Variants in AKAP6 observed in about 807,000 individuals in gnomAD.
AKAP6 encodes A-kinase anchoring protein 6, also known as A-kinase anchor protein 6.
A neutral mutation model predicts 188.5 loss-of-function variants in AKAP6; 58 were observed. That is an observed-to-expected ratio of 0.31 (90% CI 0.25 to 0.38). The LOEUF is 0.38. Ranked by LOEUF, AKAP6 falls within the 10% of genes least tolerant of loss-of-function variation. The pLI is 1.00. For synonymous variants in AKAP6, 989 were observed against 998.6 expected (o/e 0.99, Z 0.18); for missense variants, 2,710 against 2,740.0 (o/e 0.99, Z 0.24).
At chr14:32,553,512 T>C (rs1176638419) in intron 4 of AKAP6, among the ~76,000 whole-genome samples, 2 of 152,164 alleles carry the variant, frequency 1.3e-5, no homozygotes, top group Non-Finnish European at 2.9e-5. Context: ...TTTTGGATAA[T>C]ATATTCACAT....
At chr14:32,746,815 G>A (rs1468893673) in intron 11 of AKAP6, among the ~76,000 whole-genome samples, 3 of 152,160 alleles carry the variant, frequency 2.0e-5, no homozygotes, top group Non-Finnish European at 2.9e-5. Context: ...ACTTGAAAGA[G>A]AAAAGCACAT....
At chr14:32,644,898 A>G (rs1440427975) in intron 7 of AKAP6, among the ~76,000 whole-genome samples, 1 of 152,176 alleles carries the variant, frequency 6.6e-6, no homozygotes, top group Non-Finnish European at 1.5e-5. Context: ...CTTTTCTAAA[A>G]AGCCAGCATG....
intron 11 of AKAP6, among the ~76,000 whole-genome samples, chr14:32,755,544 T>G (rs1449269266): frequency 1.3e-5 from 2 of 151,748 alleles, no homozygotes; most frequent in East Asian, 3.9e-4. Context: ...TTATTAATTT[T>G]TGAGACAGGA....
intron 9 of AKAP6, among the ~76,000 whole-genome samples, chr14:32,700,960 A>T (rs1192492128): frequency 2.0e-5 from 3 of 152,194 alleles, no homozygotes; most frequent in African/African-American, 7.2e-5. Flanking sequence ...ACTACTAAAT[A>T]AGTATCCAAT....
At chr14:32,644,743 C>T (rs891623481) in intron 7 of AKAP6, among the ~76,000 whole-genome samples, 3 of 152,228 alleles carry the variant, frequency 2.0e-5, no homozygotes, top group African/African-American at 7.2e-5. Context: ...CCATCACAAA[C>T]TGAAATGTCT....
intron 12 of AKAP6, among the ~76,000 whole-genome samples, chr14:32,784,276 A>T (rs2033337815): frequency 6.6e-6 from 1 of 152,172 alleles, no homozygotes; most frequent in Non-Finnish European, 1.5e-5. Flanking sequence ...TATTAAATTC[A>T]CACATGCTTC....
chr14:32,651,910 T>G (rs1466156736), intron 7 of AKAP6, among the ~76,000 whole-genome samples: 1 of 152,118 alleles, frequency 6.6e-6, no homozygotes, highest in Non-Finnish European at 1.5e-5. Flanking sequence ...TTAGGCCCAT[T>G]TTTTATTGAG....
At chr14:32,653,883 A>G (rs1033626732) in intron 7 of AKAP6, among the ~76,000 whole-genome samples, 1 of 152,288 alleles carries the variant, frequency 6.6e-6, no homozygotes, top group East Asian at 1.9e-4. Context: ...ATTGATTTCC[A>G]TCATTTCACA....
rs867439043 is a variant in AKAP6, at chr14:32,628,667, T to C, written c.2730+27875T>C. 3.3e-5 allele frequency among the ~76,000 whole-genome samples: 5 copies of C among 152,114 alleles called. No individual in the cohort carries two copies. In the South Asian group the frequency reaches 6.2e-4, roughly 19 times the overall value. Reference sequence around the variant, plus strand: ...GCATTTGCCAGGCCTTTAAACATAATATATATCTCCTTTCCTCCCTTTTTC... The same window carrying C: ...GCATTTGCCAGGCCTTTAAACATAACATATATCTCCTTTCCTCCCTTTTTC... On this transcript the variant is annotated intron_variant, in intron 7 of 13. Coordinates refer to ENST00000280979, the MANE Select transcript of AKAP6 (RefSeq NM_004274.5).
At chr14:32,680,646 T>A (rs1300983347) in intron 8 of AKAP6, among the ~76,000 whole-genome samples, 1 of 152,204 alleles carries the variant, frequency 6.6e-6, no homozygotes, top group Admixed American at 6.5e-5. Flanking sequence ...AAAAAGATTA[T>A]ATGTACTAAT....
chr14:32,493,292 G>C (rs1880135937), intron 2 of AKAP6, among the ~76,000 whole-genome samples: 1 of 152,050 alleles, frequency 6.6e-6, no homozygotes, highest in Non-Finnish European at 1.5e-5. Flanking sequence ...CTGCAGCCTT[G>C]ACTTCCAGGG....
At chr14:32,464,528 T>A (rs1436110179) in intron 2 of AKAP6, among the ~76,000 whole-genome samples, 1 of 152,220 alleles carries the variant, frequency 6.6e-6, no homozygotes, top group Non-Finnish European at 1.5e-5. Flanking sequence ...AGAAAAGGCC[T>A]TTGATAAAAT....
chr14:32,492,359 G>T (rs2383335), intron 2 of AKAP6, among the ~76,000 whole-genome samples: 7,225 of 43,978 alleles, frequency 0.16, 402 homozygotes, highest in African/African-American at 0.26. Flanking sequence ...TATATATAGA[G>T]AGAGAGAGAG....
intron 7 of AKAP6, among the ~76,000 whole-genome samples, chr14:32,656,214 T>A (rs1888447752): frequency 6.6e-6 from 1 of 152,138 alleles, no homozygotes; most frequent in African/African-American, 2.4e-5. Context: ...AACATAAACA[T>A]AAATCTTTCT....
chr14:32,825,358 G>A (rs2034648706), intron 13 of AKAP6, among the ~76,000 whole-genome samples: 3 of 152,062 alleles, frequency 2.0e-5, no homozygotes, highest in Non-Finnish European at 4.4e-5. Context: ...TCCTAATCAC[G>A]GCCATGTCTA....
intron 7 of AKAP6, among the ~76,000 whole-genome samples, chr14:32,677,307 CT>C (rs1333161866): frequency 1.3e-5 from 2 of 152,194 alleles, no homozygotes; most frequent in Non-Finnish European, 2.9e-5. Context: ...TCTGGCCCAA[CT>C]TTTCTTCTTA....
chr14:32,570,388 C>A (rs554412984), intron 4 of AKAP6, among the ~76,000 whole-genome samples: 2 of 151,832 alleles, frequency 1.3e-5, no homozygotes, highest in East Asian at 3.9e-4. Context: ...GTGATCTGCC[C>A]ACCTCGGCCT....
chr14:32,366,516 A>G (rs111390665), intron 1 of AKAP6, among the ~76,000 whole-genome samples: 11 of 152,340 alleles, frequency 7.2e-5, no homozygotes, highest in African/African-American at 2.2e-4. Context: ...CTCTGACTTC[A>G]GTCCAAGGTC....
intron 4 of AKAP6, among the ~76,000 whole-genome samples, chr14:32,575,069 A>G (rs12432041): frequency 0.42 from 64,212 of 152,004 alleles, 13,726 homozygotes; most frequent in African/African-American, 0.46. Flanking sequence ...GGAGTTTAGG[A>G]AATAACATTT....
Sources: gnomAD v4.1 joint callset for allele counts (sites outside exome capture counted in the v4.1 genomes callset) on GRCh38, gnomAD v4.1.1 for gene constraint, MANE v1.5 for transcripts, NCBI Gene and HGNC (gene_info 2026-07-23, HGNC 2026-07-21) for gene names.